The following QRICH1 variants were observed in gnomAD, a reference collection of about 807,000 sequenced individuals.
QRICH1 encodes glutamine rich 1.
A neutral mutation model predicts 87.1 loss-of-function variants in QRICH1; 16 were observed. The observed-to-expected ratio is 0.18, with a 90% confidence interval of 0.12 to 0.28. QRICH1 has a LOEUF of 0.28. Among genes scored for constraint, QRICH1 ranks in the 10% least tolerant of loss-of-function variants. The pLI is 1.00. For synonymous variants in QRICH1, 367 were observed against 368.4 expected, an observed-to-expected ratio of 1.00 and a Z score of 0.05; for missense variants, 647 against 951.7, an observed-to-expected ratio of 0.68 and a Z score of 4.21.
At chr3:49,073,039 T>TAA (rs1226433730) in intron 2 of QRICH1, among the ~76,000 whole-genome samples, 2 of 146,072 alleles carry the variant, frequency 1.4e-5, no homozygotes, top group Non-Finnish European at 3.0e-5. Context: ...TCCTGTCTCT[T>TAA]AAAAAAAAAA....
intron 9 of QRICH1, among the ~76,000 whole-genome samples, chr3:49,031,606 G>A (rs1248932612): frequency 1.3e-5 from 2 of 152,200 alleles, no homozygotes; most frequent in Admixed American, 6.5e-5. Flanking sequence ...CGAGGAAACA[G>A]TCACAGGGAA....
rs2093417245 is a variant in QRICH1 at position 49,058,690 on chromosome 3, A to G, written c.310-800T>C. On this transcript the variant is annotated intron_variant, in intron 2 of 9. Transcript: ENST00000395443. ...GTTGCCCAGGCTGGAGTGCAGTGGC[A>G]TGATCTTGGCTCACTGCAACCTCAA... Among the ~76,000 whole-genome samples, 2 of 148,930 alleles carry G rather than the reference A, an allele frequency of 1.3e-5. 1 individual carries two copies. The highest frequency in any genetic ancestry group is 4.3e-4 in the South Asian group (2 of 4,670).
chr3:49,056,216 C>A (rs987487710), intron 3 of QRICH1, among the ~76,000 whole-genome samples: 3 of 152,106 alleles, frequency 2.0e-5, no homozygotes, highest in African/African-American at 7.2e-5. Context: ...CCTTGTGATC[C>A]GCCTGCCTCG....
chr3:49,076,638 G>A (rs2041957689), intron 2 of QRICH1, 71 bp downstream of exon 2: 4 of 1,326,318 alleles, frequency 3.0e-6, no homozygotes, highest in Non-Finnish European at 4.0e-6. Context: ...GATGTGATGA[G>A]CCCACTAACT....
Position 49,056,638 on chromosome 3 carries a change from A to G in QRICH1, c.1338+224T>C, listed in dbSNP as rs559944427. Reference sequence around the variant, plus strand: ...AACCCAAAATGTCTCCAAAACTCCAAAGCAATTCCTGGCCATCTCATTTAC... The same window carrying G: ...AACCCAAAATGTCTCCAAAACTCCAGAGCAATTCCTGGCCATCTCATTTAC... On this transcript the variant is annotated intron_variant, in intron 3 of 9. Transcript: ENST00000395443. The G allele has an allele frequency of 9.0e-5, 74 of 819,490 alleles. 1 individual carries two copies. In the South Asian group the frequency reaches 1.2e-3, roughly 13 times the overall value. 50.8% of individuals were successfully genotyped at this position (819,490 alleles called of 1,614,324 possible).
At chr3:49,068,104 A>G (rs771711142) in intron 2 of QRICH1, among the ~76,000 whole-genome samples, 1 of 152,164 alleles carries the variant, frequency 6.6e-6, no homozygotes, top group Non-Finnish European at 1.5e-5. Flanking sequence ...CATGCCTGTA[A>G]TCCTAAATCA....
chr3:49,067,924 C>T (rs2093477500), intron 2 of QRICH1, among the ~76,000 whole-genome samples: 1 of 151,570 alleles, frequency 6.6e-6, no homozygotes, highest in Non-Finnish European at 1.5e-5. Context: ...GCACTCCAGC[C>T]CAGGCGATAG....
At chr3:49,079,334 T>C (rs555381413) in intron 1 of QRICH1, among the ~76,000 whole-genome samples, 15 of 151,916 alleles carry the variant, frequency 9.9e-5, no homozygotes, top group East Asian at 1.9e-4. Flanking sequence ...AGGTGGAGGA[T>C]TGCTTGAGAC....
At chr3:49,075,051 G>A (rs1305345929) in intron 2 of QRICH1, among the ~76,000 whole-genome samples, 4 of 151,916 alleles carry the variant, frequency 2.6e-5, no homozygotes, top group Non-Finnish European at 4.4e-5. Context: ...GCCAGGCATG[G>A]CAGCTCATAT....
At chr3:49,044,606 C>T (rs1448048020) in intron 5 of QRICH1, 102 bp from the exon 6 acceptor site, 2 of 769,830 alleles carry the variant, frequency 2.6e-6, no homozygotes, top group Non-Finnish European at 4.2e-6. Flanking sequence ...CCTTCCCTAC[C>T]CATTCACACC....
intron 1 of QRICH1, among the ~76,000 whole-genome samples, chr3:49,090,598 A>G (rs2042255670): frequency 6.7e-6 from 1 of 148,758 alleles, no homozygotes; most frequent in East Asian, 2.0e-4. Flanking sequence ...ACTGCACTCC[A>G]GCCTGGGCGA....
chr3:49,050,107 C>T (rs1310584827), intron 3 of QRICH1, among the ~76,000 whole-genome samples: 3 of 151,584 alleles, frequency 2.0e-5, no homozygotes, highest in South Asian at 2.1e-4. Context: ...GAGGCCGAGG[C>T]GGGCGGATCA....
intron 1 of QRICH1, among the ~76,000 whole-genome samples, chr3:49,091,790 G>A (rs2042280041): frequency 6.6e-6 from 1 of 152,174 alleles, no homozygotes; most frequent in Admixed American, 6.6e-5. Context: ...ATCAAAATTT[G>A]GTCGGGCGCG....
chr3:49,084,661 G>T (rs117649754), intron 1 of QRICH1, among the ~76,000 whole-genome samples: 2 of 151,972 alleles, frequency 1.3e-5, no homozygotes, highest in African/African-American at 4.8e-5. Context: ...CTACTCTAGA[G>T]GCTGAGGCAG....
intron 1 of QRICH1, among the ~76,000 whole-genome samples, chr3:49,085,225 G>A (rs2042146458): frequency 6.6e-6 from 1 of 151,880 alleles, no homozygotes. Flanking sequence ...ATCATAGTAT[G>A]ATTTTCTTTC....
At chr3:49,070,762 T>C (rs1421836017) in intron 2 of QRICH1, among the ~76,000 whole-genome samples, 1 of 152,174 alleles carries the variant, frequency 6.6e-6, no homozygotes, top group Non-Finnish European at 1.5e-5. Context: ...TTTTTAAAAG[T>C]ATCTTTTTAG....
In QRICH1 at chr3:49,066,476, T is replaced by G. The variant is rs185742508; in HGVS notation, c.310-8586A>C. On this transcript the variant is annotated intron_variant, in intron 2 of 9. Coordinates refer to ENST00000395443, the MANE Select transcript of QRICH1 (RefSeq NM_198880.3). ...TTTACTTTACTTTTCTTTTTTTTTT[T>G]TTGTTGAGGCAAGAGTCTCACTCTG... 4.7e-3 allele frequency among the ~76,000 whole-genome samples: 718 copies of G among 151,996 alleles called. 4 individuals carry two copies. Among genetic ancestry groups the G allele is most frequent in the Middle Eastern group, 0.014 (4 of 294 alleles).
chr3:49,045,857 G>A (rs2093336081), intron 5 of QRICH1, among the ~76,000 whole-genome samples: 3 of 151,840 alleles, frequency 2.0e-5, no homozygotes, highest in African/African-American at 4.8e-5. Flanking sequence ...GCCTCCCAAA[G>A]TGCTGGGATT....
intron 1 of QRICH1, among the ~76,000 whole-genome samples, chr3:49,090,424 A>C (rs1370583255): frequency 7.0e-6 from 1 of 143,082 alleles, no homozygotes; most frequent in Non-Finnish European, 1.5e-5. Flanking sequence ...GTGCCACTGC[A>C]CTCCAGCCTG....
Sources: allele counts gnomAD v4.1 joint callset (sites outside exome capture counted in the v4.1 genomes callset), GRCh38; gene constraint gnomAD v4.1.1; transcripts MANE v1.5; gene names NCBI Gene and HGNC (gene_info 2026-07-23, HGNC 2026-07-21).